Variants in ALS2 observed in about 807,000 individuals in gnomAD.
The protein encoded by ALS2 is alsin.
ALS2 carries 117 observed loss-of-function variants against 203.4 expected under a neutral mutation model. That is an observed-to-expected ratio of 0.58 (90% CI 0.50 to 0.67). The LOEUF (loss-of-function observed/expected upper bound fraction) is 0.67, where lower values mean the gene tolerates loss of function less well. ALS2 is among the 30% of genes least tolerant of loss of function. ALS2 has a pLI of 0.00. For missense variants in ALS2, 1,715 were observed against 1,989.4 expected (o/e 0.86, Z 2.62); for synonymous variants, 718 against 725.9 (o/e 0.99, Z 0.17).
chr2:201,718,135 T>C lies in ALS2; in HGVS notation c.3778A>G (p.Thr1260Ala). The change falls in exon 24 of 34, where the codon ACT becomes GCT. Residue 1260 changes from threonine (T) to alanine (A), a missense_variant. By Grantham distance (58) the Thr-to-Ala change is moderately conservative. Coordinates refer to ENST00000264276, the MANE Select transcript of ALS2 (RefSeq NM_020919.4). ...SGEWGSGIKI[T>A]GTYFKPSLYE... Reference sequence around the variant, plus strand: ...AGACTAGGTTTGAAGTAGGTTCCAGTGATTTTTATCCCAGATCCCCATTCT... The same window carrying C: ...AGACTAGGTTTGAAGTAGGTTCCAGCGATTTTTATCCCAGATCCCCATTCT... 1 of 1,613,822 alleles carries C rather than the reference T, an allele frequency of 6.2e-7. No individual in the cohort carries two copies. Among genetic ancestry groups the C allele is most frequent in the Non-Finnish European group, 8.5e-7 (1 of 1,179,750 alleles).
At chr2:201,726,964 T>C in intron 17 of ALS2, 98 bp from the exon 18 acceptor site, 1 of 1,111,884 alleles carries the variant, frequency 9.0e-7, no homozygotes, top group Non-Finnish European at 1.3e-6. Flanking sequence ...AAATTATTTG[T>C]GTCCTAATGC....
chr2:201,741,878 TG>T, intron 10 of ALS2, 24 bp from the exon 11 acceptor site: 1 of 1,577,890 alleles, frequency 6.3e-7, no homozygotes, highest in Non-Finnish European at 8.7e-7. Context: ...ATGATGATGA[TG>T]ACAACACAAA....
At chr2:201,706,754 T>C in intron 29 of ALS2, 92 bp downstream of exon 29, 5 of 1,289,252 alleles carry the variant, frequency 3.9e-6, no homozygotes, top group South Asian at 2.4e-5. Context: ...AAGCCATATA[T>C]ATAATTAGAT....
At chr2:201,726,571 T>C (rs755341040) in intron 18 of ALS2, 22 bp from the exon 19 acceptor site, 1 of 1,611,632 alleles carries the variant, frequency 6.2e-7, no homozygotes, top group Non-Finnish European at 8.5e-7. Flanking sequence ...AAGCAAAGAA[T>C]AATGCATGTC....
chr2:201,731,933 G>A (rs2106020286), intron 13 of ALS2, among the ~76,000 whole-genome samples: 1 of 152,272 alleles, frequency 6.6e-6, no homozygotes, highest in Admixed American at 6.5e-5. Flanking sequence ...GGGAGTGGGA[G>A]TGTTTCAGGA....
chr2:201,746,520 C>G, intron 9 of ALS2, 46 bp downstream of exon 9: 1 of 1,603,534 alleles, frequency 6.2e-7, no homozygotes, highest in Non-Finnish European at 8.5e-7. Flanking sequence ...CAAAAGACTT[C>G]TTATGTGTTA....
At position 201,744,264 on chromosome 2, in the gene ALS2, T is replaced by G; in HGVS notation, c.2164A>C (p.Ser722Arg). The G allele has an allele frequency of 1.2e-6, 2 of 1,614,042 alleles. No homozygotes were observed. Among genetic ancestry groups the G allele is most frequent in the Non-Finnish European group, 1.7e-6 (2 of 1,179,918 alleles). The change falls in exon 10 of 34, where the codon AGT becomes CGT. Residue 722 changes from serine (S) to arginine (R), a missense_variant. By Grantham distance (110) the Ser-to-Arg change is moderately radical. Around this residue, in one of 3 missense-constraint regions of ALS2, gnomAD observed 1,227 missense variants for 1,413.5 expected, o/e 0.87. Coordinates refer to ENST00000264276, the MANE Select transcript of ALS2 (RefSeq NM_020919.4). ...AGAGGGGGTTGCAACTTACCTAAAC[T>G]GAGAAGAGGCCTGAGAATCTGAGAT... Reference protein sequence around the residue: ...IKSQILRPLLSLENLGTTTTV... With the variant: ...IKSQILRPLLRLENLGTTTTV...
intron 16 of ALS2, 74 bp from the exon 17 acceptor site, chr2:201,727,352 A>G: frequency 8.1e-7 from 1 of 1,234,536 alleles, no homozygotes. Flanking sequence ...CAAATATGAA[A>G]AGCAACCTCT....
rs574273737 is a variant in ALS2, at chr2:201,758,412, C to G, written c.1114-653G>C. Among the ~76,000 whole-genome samples the G allele has an allele frequency of 2.6e-5, 4 of 152,216 alleles. No homozygotes were observed. In the South Asian group the frequency reaches 8.3e-4, roughly 32 times the overall value. On this transcript the variant is annotated intron_variant, in intron 4 of 33. Coordinates refer to ENST00000264276, the MANE Select transcript of ALS2 (RefSeq NM_020919.4). ...GGGGCTAGAAAAGCTGTAGGATTAC[C>G]TTTGCTCTTGCTACCACAGATGGCA... is the stretch of plus-strand genomic sequence containing the variant.
intron 33 of ALS2, among the ~76,000 whole-genome samples, chr2:201,703,777 T>A (rs1055503643): frequency 2.6e-5 from 4 of 152,226 alleles, no homozygotes; most frequent in African/African-American, 9.6e-5. Context: ...CCCTGTTCCA[T>A]TGAATAGCAC....
At chr2:201,709,608 G>A (rs971436106) in intron 27 of ALS2, among the ~76,000 whole-genome samples, 4 of 151,968 alleles carry the variant, frequency 2.6e-5, no homozygotes, top group African/African-American at 7.2e-5. Context: ...TAAATAAGAC[G>A]ACTACTATAC....
At chr2:201,713,404 A>G (rs10183681) in intron 25 of ALS2, among the ~76,000 whole-genome samples, 136,021 of 152,126 alleles carry the variant, frequency 0.89, 61,019 homozygotes, top group East Asian at 0.98. Context: ...TTACAGGTGC[A>G]TGCCACCATG....
intron 17 of ALS2, 47 bp downstream of exon 17, chr2:201,727,165 G>A: frequency 6.8e-7 from 1 of 1,470,654 alleles, no homozygotes; most frequent in Non-Finnish European, 9.5e-7. Context: ...ACAAGAGGCA[G>A]AAAGAGCCAG....
At chr2:201,778,872 T>TA (rs1482319973) in intron 1 of ALS2, among the ~76,000 whole-genome samples, 3 of 152,194 alleles carry the variant, frequency 2.0e-5, no homozygotes, top group Non-Finnish European at 4.4e-5. Flanking sequence ...GGCCTTCCTT[T>TA]ATACAAGCTT....
chr2:201,778,948 AAAT>A (rs1407465954), intron 1 of ALS2, among the ~76,000 whole-genome samples: 9 of 152,152 alleles, frequency 5.9e-5, no homozygotes, highest in African/African-American at 2.2e-4. Context: ...TCACATTAAT[AAAT>A]AATTGTAGAT....
intron 27 of ALS2, among the ~76,000 whole-genome samples, chr2:201,709,358 T>C (rs1371489675): frequency 1.3e-5 from 2 of 152,184 alleles, no homozygotes; most frequent in African/African-American, 4.8e-5. Flanking sequence ...TTTCCCCCAT[T>C]AGAATGTAAG....
intron 17 of ALS2, 35 bp from the exon 18 acceptor site, chr2:201,726,901 C>A: frequency 6.4e-7 from 1 of 1,567,236 alleles, no homozygotes. Flanking sequence ...AAGTTTAAGG[C>A]AACAATTCAT....
intron 30 of ALS2, 29 bp downstream of exon 30, chr2:201,705,387 T>C: frequency 2.5e-6 from 4 of 1,610,850 alleles, no homozygotes; most frequent in South Asian, 1.1e-5. Context: ...GAAAAGCATA[T>C]TTGCTGAGGA....
chr2:201,738,063 G>A (rs1691998357), intron 12 of ALS2, among the ~76,000 whole-genome samples: 2 of 152,104 alleles, frequency 1.3e-5, no homozygotes, highest in Non-Finnish European at 2.9e-5. Context: ...CACTTTGGGA[G>A]GCTGAGACAG....
Sources: gnomAD v4.1 joint callset for allele counts (sites outside exome capture counted in the v4.1 genomes callset) on GRCh38, gnomAD v4.1.1 for gene constraint, gnomAD v4.1.1 regional missense constraint, MANE v1.5 for transcripts, NCBI Gene and HGNC (gene_info 2026-07-23, HGNC 2026-07-21) for gene names.